The following SCN9A variants were observed in gnomAD, a reference collection of about 807,000 sequenced individuals.
The protein encoded by SCN9A is sodium channel protein type 9 subunit alpha.
SCN9A carries 131 observed loss-of-function variants against 187.0 expected under a neutral mutation model. The observed-to-expected ratio is 0.70, with a 90% CI of 0.61 to 0.81. The LOEUF (loss-of-function observed/expected upper bound fraction) is 0.81. SCN9A is among the 30% of genes least tolerant of loss of function. SCN9A has a pLI of 0.00. For synonymous variants in SCN9A, 809 were observed against 808.6 expected, an observed-to-expected ratio of 1.00 and a Z score of -0.01; for missense variants, 2,252 against 2,396.6, an observed-to-expected ratio of 0.94 and a Z score of 1.26.
intron 7 of SCN9A, among the ~76,000 whole-genome samples, chr2:166,300,232 C>A (rs185544987): frequency 6.6e-6 from 1 of 150,976 alleles, no homozygotes; most frequent in African/African-American, 2.5e-5. Flanking sequence ...CTGCTACTTT[C>A]TCTGTTGCCA....
chr2:166,284,037 T>C (rs909844027), intron 12 of SCN9A, among the ~76,000 whole-genome samples: 8 of 152,204 alleles, frequency 5.3e-5, no homozygotes, highest in Non-Finnish European at 8.8e-5. Context: ...TTGGAATAGG[T>C]ACATATTAAG....
At chr2:166,327,353 C>T (rs544387925) in intron 1 of SCN9A, among the ~76,000 whole-genome samples, 15 of 152,202 alleles carry the variant, frequency 9.9e-5, no homozygotes, top group African/African-American at 3.1e-4. Context: ...GACAAGGTCT[C>T]ACCATGTTGC....
intron 1 of SCN9A, among the ~76,000 whole-genome samples, chr2:166,334,400 A>G (rs1418626400): frequency 6.6e-6 from 1 of 152,098 alleles, no homozygotes; most frequent in Non-Finnish European, 1.5e-5. Flanking sequence ...TCATAGTCCC[A>G]TTTATACTTT....
Position 166,306,573 on chromosome 2 carries a change from G to A in SCN9A, c.404C>T (p.Thr135Ile), listed in dbSNP as rs200172456. 3 of 1,581,846 alleles carry A rather than the reference G, an allele frequency of 1.9e-6. No homozygotes were observed. The highest frequency in any genetic ancestry group is 2.6e-6 in the Non-Finnish European group (3 of 1,161,482). Reference protein sequence around the residue: ...HSLFSMLIMCTILTNCIFMTM... With the variant: ...HSLFSMLIMCIILTNCIFMTM... The stretch of plus-strand genomic sequence containing the variant: ...CATAAATATGCAGTTTGTCAGAATA[G>A]TGCACATGATGAGCATGCTGAATAA... The change falls in exon 4 of 27, where the codon ACT (threonine) becomes ATT (isoleucine). Residue 135 changes from threonine to isoleucine, a missense_variant. Transcript: ENST00000642356.
At chr2:166,317,703 CAT>C (rs1699141790) in intron 1 of SCN9A, among the ~76,000 whole-genome samples, 1 of 152,166 alleles carries the variant, frequency 6.6e-6, no homozygotes, top group South Asian at 2.1e-4. Context: ...TTTCTTCACA[CAT>C]CTTTCCAGTC....
chr2:166,286,781 G>A (rs182837609), intron 10 of SCN9A, among the ~76,000 whole-genome samples, 158 bp from the exon 11 acceptor site: 18 of 152,206 alleles, frequency 1.2e-4, no homozygotes, highest in African/African-American at 4.3e-4. Context: ...TGATCAGAAT[G>A]CTTACAAAGT....
chr2:166,257,559 T>A (rs569812787), intron 17 of SCN9A, among the ~76,000 whole-genome samples: 75 of 151,772 alleles, frequency 4.9e-4, no homozygotes, highest in Non-Finnish European at 9.3e-4. Context: ...CAGCTTTTGC[T>A]AAAGTGCCAT....
At chr2:166,262,932 A>G (rs1696575593) in intron 17 of SCN9A, among the ~76,000 whole-genome samples, 1 of 151,916 alleles carries the variant, frequency 6.6e-6, no homozygotes, top group Non-Finnish European at 1.5e-5. Flanking sequence ...AGATGCTCTA[A>G]GGCACTGTCC....
chr2:166,263,919 ATCAT>A (rs1287225607), intron 17 of SCN9A, among the ~76,000 whole-genome samples: 1 of 152,012 alleles, frequency 6.6e-6, no homozygotes, highest in Middle Eastern at 3.2e-3. Context: ...CTTTAGAGAA[ATCAT>A]GGCCTTGCTC....
chr2:166,226,803 G>A (rs1694860159), intron 23 of SCN9A, 99 bp from the exon 24 acceptor site: 5 of 786,584 alleles, frequency 6.4e-6, no homozygotes, highest in Non-Finnish European at 9.4e-6. Context: ...GCTATCCTAG[G>A]TAAACATAGG....
At chr2:166,264,568 G>T (rs1696652454) in intron 17 of SCN9A, among the ~76,000 whole-genome samples, 1 of 151,780 alleles carries the variant, frequency 6.6e-6, no homozygotes, top group Non-Finnish European at 1.5e-5. Flanking sequence ...TCATCTCTTT[G>T]GTTATTTTCT....
intron 19 of SCN9A, among the ~76,000 whole-genome samples, chr2:166,239,311 G>T (rs1285607571): frequency 6.6e-6 from 1 of 151,290 alleles, no homozygotes; most frequent in African/African-American, 2.4e-5. Context: ...TTCTCTTTCA[G>T]ATCGAAACAC....
At chr2:166,259,697 T>C (rs73019694) in intron 17 of SCN9A, among the ~76,000 whole-genome samples, 1,921 of 151,930 alleles carry the variant, frequency 0.013, 47 homozygotes, top group African/African-American at 0.043. Context: ...CATTTCTTGA[T>C]TGACTTATTT....
At chr2:166,280,637 T>A in intron 13 of SCN9A, 42 bp from the exon 14 acceptor site, 1 of 1,146,150 alleles carries the variant, frequency 8.7e-7, no homozygotes, top group South Asian at 1.4e-5. Context: ...GCCATTTGTC[T>A]GTTTCACTCC....
intron 17 of SCN9A, among the ~76,000 whole-genome samples, chr2:166,270,464 A>T (rs1696926474): frequency 6.6e-6 from 1 of 151,864 alleles, no homozygotes; most frequent in Non-Finnish European, 1.5e-5. Context: ...GGATGACTAG[A>T]TTTGATTCCT....
At position 166,311,809 on chromosome 2, in the gene SCN9A, G is replaced by T; in HGVS notation, c.-50-3C>A. 6.8e-7 allele frequency: 1 copy of T among 1,475,924 alleles called. No homozygotes were observed. The highest frequency in any genetic ancestry group is 1.5e-5 in the South Asian group (1 of 66,506). 91.4% of individuals were successfully genotyped at this position (1,475,924 alleles called of 1,614,324 possible). ...CTTCAGCTCCTCACATAAGAGGCCT[G>T]GATGGAAACAAAGAAATAAAGACTT... On this transcript the variant is annotated splice_region_variant and splice_polypyrimidine_tract_variant and intron_variant, in intron 1 of 26. Coordinates refer to ENST00000642356, the MANE Select transcript of SCN9A (RefSeq NM_001365536.1).
intron 19 of SCN9A, among the ~76,000 whole-genome samples, chr2:166,241,849 A>G (rs1043555666): frequency 1.3e-5 from 2 of 152,156 alleles, no homozygotes; most frequent in Admixed American, 6.6e-5. Context: ...AAAGTTGATC[A>G]TACAAATTGG....
rs999645687 is a variant in SCN9A, at chr2:166,251,810, C to A, written c.3427G>T (p.Ala1143Ser). The A allele has an allele frequency of 3.1e-6, 5 of 1,612,594 alleles. No individual in the cohort carries two copies. In the African/African-American group the frequency reaches 6.7e-5, roughly 22 times the overall value. Residue 1143 changes from alanine (A) to serine (S), a missense_variant, in exon 18 of 27, where the codon GCT (alanine) becomes TCT (serine). Transcript: ENST00000642356. ...PLPGEGEEAE[A>S]EPMNSDEPEA... ...GGCTCATCGGAATTCATAGGTTCAG[C>A]CTCTGCTTCTTCTCCTTCTCCAGGC...
intron 1 of SCN9A, among the ~76,000 whole-genome samples, chr2:166,369,880 A>G (rs111528010): frequency 1.2e-4 from 19 of 152,116 alleles, no homozygotes; most frequent in Non-Finnish European, 2.6e-4. Context: ...TTTATTGCCC[A>G]GGCTGATCTA....
Sources: allele counts gnomAD v4.1 joint callset (sites outside exome capture counted in the v4.1 genomes callset), GRCh38; gene constraint gnomAD v4.1.1; transcripts MANE v1.5; gene names NCBI Gene and HGNC (gene_info 2026-07-23, HGNC 2026-07-21).